The following TNFSF18 variants were observed in gnomAD, a reference collection of about 807,000 sequenced individuals.
TNFSF18 encodes the protein TNF superfamily member 18, also known as tumor necrosis factor ligand superfamily member 18.
TNFSF18 carries 6 observed loss-of-function variants against 9.6 expected under a neutral mutation model. The observed-to-expected ratio is 0.63, with a 90% confidence interval of 0.34 to 1.24. The LOEUF is 1.24. Ranked by LOEUF, TNFSF18 falls within the 50% of genes most tolerant of loss-of-function variation. The probability of loss-of-function intolerance (pLI) is 0.03; values close to 1 mark genes in which losing one functional copy is unlikely to be tolerated. For missense variants in TNFSF18, 210 were observed against 201.0 expected (o/e 1.04, Z -0.27); for synonymous variants, 68 against 71.7 (o/e 0.95, Z 0.26).
Position 173,043,983 on chromosome 1 carries a change from A to G in TNFSF18, c.157-14T>C, listed in dbSNP as rs1195704781. On this transcript the variant is annotated splice_polypyrimidine_tract_variant and intron_variant, in intron 1 of 2. Coordinates refer to ENST00000404377, the MANE Select transcript of TNFSF18 (RefSeq NM_005092.4). ...CTCCTTAGCAGTCTGTTGGGGAAATAAAAGATGAATTGATTAGGATGATGA... is the reference window on the plus strand; with the variant it reads ...CTCCTTAGCAGTCTGTTGGGGAAATGAAAGATGAATTGATTAGGATGATGA... 1.8e-5 allele frequency: 29 copies of G among 1,611,028 alleles called. No homozygotes were observed. The highest frequency in any genetic ancestry group is 2.3e-5 in the Non-Finnish European group (27 of 1,177,418).
intron 1 of TNFSF18, among the ~76,000 whole-genome samples, chr1:173,048,016 TG>T (rs1665110280): frequency 6.6e-6 from 1 of 152,156 alleles, no homozygotes; most frequent in South Asian, 2.1e-4. Flanking sequence ...AGCTACTTTA[TG>T]TCAGATACTC....
intron 1 of TNFSF18, among the ~76,000 whole-genome samples, chr1:173,044,624 A>G (rs1462237075): frequency 6.6e-6 from 1 of 152,248 alleles, no homozygotes; most frequent in East Asian, 1.9e-4. Flanking sequence ...GTTGTAGTAA[A>G]TTCAGGCATA....
chr1:173,042,113 C>A (rs565207841), intron 2 of TNFSF18, among the ~76,000 whole-genome samples: 1 of 152,290 alleles, frequency 6.6e-6, no homozygotes, highest in South Asian at 2.1e-4. Context: ...GGTGTAAATA[C>A]CACTGGCTGT....
At chr1:173,041,791 A>G in intron 2 of TNFSF18, 78 bp from the exon 3 acceptor site, 1 of 1,328,170 alleles carries the variant, frequency 7.5e-7, no homozygotes, top group Non-Finnish European at 1.0e-6. Context: ...ATTGTAGTTA[A>G]TTATTTACCA....
At chr1:173,044,318 G>T (rs894887008) in intron 1 of TNFSF18, among the ~76,000 whole-genome samples, 1 of 151,672 alleles carries the variant, frequency 6.6e-6, no homozygotes, top group African/African-American at 2.4e-5. Context: ...ACACCCCAGT[G>T]ACTGCACAAG....
intron 2 of TNFSF18, among the ~76,000 whole-genome samples, chr1:173,043,258 G>C (rs1665020585): frequency 6.6e-6 from 1 of 152,046 alleles, no homozygotes. Context: ...AGGAACACAG[G>C]GGTTGCAGAG....
Position 173,039,767 on chromosome 1 carries a change from T to C in TNFSF18, c.*1600A>G, listed in dbSNP as rs903192846. 4.2e-5 allele frequency among the ~76,000 whole-genome samples: 6 copies of C among 143,814 alleles called. No homozygotes were observed. The highest frequency in any genetic ancestry group is 1.1e-4 in the African/African-American group (4 of 36,760). The allele number at this position is 143,814 out of a possible 152,430, so 94.3% of individuals were successfully genotyped here. A position where few individuals can be genotyped will look rare whatever the true frequency, so the allele number is the denominator to read the frequency against. ...ACACACACACACACACACACACACA[T>C]ATGTATGACACACTTTAATTTCCTG... On this transcript the variant is annotated 3_prime_UTR_variant, in exon 3 of 3. Coordinates refer to ENST00000404377, the MANE Select transcript of TNFSF18 (RefSeq NM_005092.4).
In TNFSF18 at chr1:173,041,007, A is replaced by C. The variant is rs1371634035; in HGVS notation, c.*360T>G. The C allele has an allele frequency of 5.9e-6, 1 of 170,756 alleles. No homozygotes were observed. The highest frequency in any genetic ancestry group is 2.4e-5 in the African/African-American group (1 of 42,162). The allele number at this position is 170,756 out of a possible 1,614,324, so 10.6% of individuals were successfully genotyped here. A position where few individuals can be genotyped will look rare whatever the true frequency, so the allele number is the denominator to read the frequency against. The stretch of plus-strand genomic sequence containing the variant: ...AAGAATATGAGAACAAAGCCAGGCT[A>C]CTGCCCCAGATCCTTTTTGCATACC... On this transcript the variant is annotated 3_prime_UTR_variant, in exon 3 of 3. Transcript: ENST00000404377.
intron 1 of TNFSF18, among the ~76,000 whole-genome samples, chr1:173,049,632 T>C (rs1665138080): frequency 1.3e-5 from 2 of 152,124 alleles, no homozygotes; most frequent in Non-Finnish European, 2.9e-5. Flanking sequence ...TTTTCTCAAT[T>C]ACTTTTACTT....
Position 173,044,092 on chromosome 1 carries a change from C to A in TNFSF18, c.157-123G>T. The A allele has an allele frequency of 1.2e-5, 11 of 932,454 alleles. No homozygotes were observed. In the South Asian group the frequency reaches 1.4e-4, roughly 12 times the overall value. 57.8% of individuals were successfully genotyped at this position (932,454 alleles called of 1,614,324 possible). On this transcript the variant is annotated intron_variant, in intron 1 of 2. Coordinates refer to ENST00000404377, the MANE Select transcript of TNFSF18 (RefSeq NM_005092.4). ...AGTGTTCTATAACCATAAAAAAAAT[C>A]CTTCCCTTCACCATGTCTCAGCCCT...
chr1:173,050,903 A>G lies in TNFSF18; in HGVS notation c.-7T>C. On this transcript the variant is annotated 5_prime_UTR_variant, in exon 1 of 3. Coordinates refer to ENST00000404377, the MANE Select transcript of TNFSF18 (RefSeq NM_005092.4). ...CCAAGTGGCTCAAACACATTTTTGG[A>G]GAAATGAGAGCTGTGGAAAACAAAA... The G allele has an allele frequency of 6.2e-7, 1 of 1,613,860 alleles. No homozygotes were observed. Among genetic ancestry groups the G allele is most frequent in the Non-Finnish European group, 8.5e-7 (1 of 1,179,792 alleles).
intron 1 of TNFSF18, among the ~76,000 whole-genome samples, chr1:173,048,562 T>C (rs1457558295): frequency 6.6e-6 from 1 of 152,058 alleles, no homozygotes. Flanking sequence ...TTGACCAAAC[T>C]CCTTGGACTC....
intron 1 of TNFSF18, among the ~76,000 whole-genome samples, chr1:173,045,063 G>A (rs141388307): frequency 2.6e-5 from 4 of 152,280 alleles, no homozygotes; most frequent in East Asian, 3.9e-4. Context: ...GATGAGTTTG[G>A]TTGTGGACAT....
In TNFSF18 at chr1:173,039,641, G is replaced by A; in HGVS notation, c.*1726C>T. 6.6e-6 allele frequency among the ~76,000 whole-genome samples: 1 copy of A among 151,704 alleles called. No individual in the cohort carries two copies. The highest frequency in any genetic ancestry group is 2.1e-4 in the South Asian group (1 of 4,794). On this transcript the variant is annotated 3_prime_UTR_variant, in exon 3 of 3. Transcript: ENST00000404377. ...AAAATTTAATAATATGTGCTTATAA[G>A]CTAGCACCAGCCCACTCCAGCACAC...
intron 1 of TNFSF18, among the ~76,000 whole-genome samples, chr1:173,044,658 C>T (rs115246657): frequency 1.3e-5 from 2 of 152,262 alleles, no homozygotes; most frequent in African/African-American, 4.8e-5. Context: ...TTTGTATCAC[C>T]CAAAGGTTAT....
chr1:173,050,862 C>T lies in TNFSF18; in HGVS notation c.35G>A (p.Ser12Asn), dbSNP rs766231955. 3 of 1,613,644 alleles carry T rather than the reference C, an allele frequency of 1.9e-6. No individual in the cohort carries two copies. Among genetic ancestry groups the T allele is most frequent in the Non-Finnish European group, 2.5e-6 (3 of 1,179,788 alleles). ...CLSHLENMPL[S>N]HSRTQGAQRS... ...CTGAGCTCCTTGAGTTCTTGAATGG[C>T]TTAAAGGCATATTTTCCAAGTGGCT... is the stretch of plus-strand genomic sequence containing the variant. The change falls in exon 1 of 3, where the codon AGC (serine) becomes AAC (asparagine). Residue 12 changes from serine (S) to asparagine (N), a missense_variant. Physicochemically the swap from Ser to Asn is conservative, Grantham distance 46. Transcript: ENST00000404377.
At position 173,039,763 on chromosome 1, in the gene TNFSF18, CACAT is replaced by C. The variant is rs1664961136; in HGVS notation, c.*1600_*1603del. Among the ~76,000 whole-genome samples the C allele has an allele frequency of 1.3e-5, 2 of 151,262 alleles. No individual in the cohort carries two copies. The highest frequency in any genetic ancestry group is 4.9e-5 in the African/African-American group (2 of 41,122). ...ATACACACACACACACACACACACA[CACAT>C]ATGTATGACACACTTTAATTTCCTG... On this transcript the variant is annotated 3_prime_UTR_variant, in exon 3 of 3. Coordinates refer to ENST00000404377, the MANE Select transcript of TNFSF18 (RefSeq NM_005092.4).
chr1:173,041,445 G>T lies in TNFSF18; in HGVS notation c.456C>A (p.Phe152Leu), dbSNP rs774071698. The T allele has an allele frequency of 5.0e-6, 8 of 1,613,368 alleles. No individual in the cohort carries two copies. The highest frequency in any genetic ancestry group is 6.8e-6 in the Non-Finnish European group (8 of 1,179,598). The change falls in exon 3 of 3, where the codon TTC becomes TTA. Residue 152 changes from phenylalanine (F) to leucine (L), a missense_variant. By Grantham distance (22) the Phe-to-Leu change is conservative (BLOSUM62 0). Coordinates refer to ENST00000404377, the MANE Select transcript of TNFSF18 (RefSeq NM_005092.4). ...TTTTTAGAACCTGATGCTCAGAGTT[G>T]AATATCAAGTCTATGGTGTCCCCAA... ...LHVGDTIDLI[F>L]NSEHQVLKNN...
At chr1:173,048,689 G>A (rs1166677629) in intron 1 of TNFSF18, among the ~76,000 whole-genome samples, 1 of 152,162 alleles carries the variant, frequency 6.6e-6, no homozygotes, top group Non-Finnish European at 1.5e-5. Flanking sequence ...TTTCTTTTAA[G>A]TGTACACTTT....
Sources: gnomAD v4.1 joint callset for allele counts (sites outside exome capture counted in the v4.1 genomes callset) on GRCh38, gnomAD v4.1.1 for gene constraint, MANE v1.5 for transcripts, NCBI Gene and HGNC (gene_info 2026-07-23, HGNC 2026-07-21) for gene names.